The following PTPN21 variants were observed in gnomAD, a reference collection of about 807,000 sequenced individuals.
PTPN21 encodes protein tyrosine phosphatase non-receptor type 21, also known as tyrosine-protein phosphatase non-receptor type 21.
In PTPN21, 77 loss-of-function variants were observed where a neutral mutation model predicts 131.8. That is an observed-to-expected ratio of 0.58 (90% CI 0.49 to 0.71). The LOEUF (loss-of-function observed/expected upper bound fraction) is 0.71, where lower values mean the gene tolerates loss of function less well. Among genes scored for constraint, PTPN21 ranks in the 30% least tolerant of loss-of-function variants. The pLI is 0.00. For synonymous variants in PTPN21, 715 were observed against 621.3 expected, an observed-to-expected ratio of 1.15 and a Z score of -2.24; for missense variants, 1,552 against 1,527.1, an observed-to-expected ratio of 1.02 and a Z score of -0.27.
At chr14:88,499,774 T>C (rs1319446226) in intron 8 of PTPN21, among the ~76,000 whole-genome samples, 1 of 152,188 alleles carries the variant, frequency 6.6e-6, no homozygotes, top group East Asian at 1.9e-4. Flanking sequence ...AAAAACAATA[T>C]AAGCTTTTGG....
chr14:88,470,137 G>GT, intron 15 of PTPN21, 87 bp from the exon 16 acceptor site: 2 of 1,398,176 alleles, frequency 1.4e-6, no homozygotes, highest in South Asian at 1.3e-5. Flanking sequence ...TACTAAAAAA[G>GT]TTTTTTTAAA....
intron 2 of PTPN21, among the ~76,000 whole-genome samples, chr14:88,537,724 G>A (rs555007585): frequency 6.6e-6 from 1 of 152,174 alleles, no homozygotes; most frequent in Non-Finnish European, 1.5e-5. Context: ...TAGTAGTCAC[G>A]TGTCCCTTAA....
In PTPN21 at chr14:88,479,647, A is replaced by C; in HGVS notation, c.1784T>G (p.Ile595Ser). Residue 595 changes from isoleucine (I) to serine (S), a missense_variant, in exon 13 of 19, where the codon ATC (isoleucine) becomes AGC (serine). Ile to Ser is a moderately radical substitution (Grantham distance 142). Transcript: ENST00000556564. ...CACCGAGTGGTGCACGCGCCGCGTG[A>C]TGAGGTCGGGGTTGCTGCTGCTGAT... Reference protein sequence around the residue: ...LYISSSNPDLITRRVHHSVQT... With the variant: ...LYISSSNPDLSTRRVHHSVQT... The C allele has an allele frequency of 6.9e-7, 1 of 1,458,512 alleles. No individual in the cohort carries two copies. The highest frequency in any genetic ancestry group is 1.2e-5 in the South Asian group (1 of 82,530). 90.3% of individuals were successfully genotyped at this position (1,458,512 alleles called of 1,614,324 possible).
chr14:88,485,663 G>C (rs2077720921), intron 11 of PTPN21, 119 bp downstream of exon 11: 12 of 636,140 alleles, frequency 1.9e-5, no homozygotes, highest in South Asian at 1.7e-4. Flanking sequence ...GGTTAAAAAT[G>C]ATGAAATATC....
At chr14:88,506,268 A>T (rs932683065) in intron 4 of PTPN21, among the ~76,000 whole-genome samples, 3 of 152,212 alleles carry the variant, frequency 2.0e-5, no homozygotes, top group Non-Finnish European at 2.9e-5. Context: ...TGAGCACAGT[A>T]GGTTGTGGCT....
chr14:88,491,889 A>ACT (rs2077830534), intron 10 of PTPN21, among the ~76,000 whole-genome samples: 1 of 152,202 alleles, frequency 6.6e-6, no homozygotes, highest in Non-Finnish European at 1.5e-5. Context: ...GATGACATTA[A>ACT]TGTAGTTTTG....
intron 2 of PTPN21, among the ~76,000 whole-genome samples, chr14:88,538,075 A>G (rs1009605552): frequency 2.0e-5 from 3 of 152,230 alleles, no homozygotes; most frequent in Admixed American, 2.0e-4. Context: ...AATGACAGGG[A>G]TAATTGAGAT....
rs1389471269 is a variant in PTPN21 at position 88,468,131 on chromosome 14, G to A, written c.*6C>T. Reference sequence around the variant, plus strand: ...CATGACTGGCCCCGTAAGAAATTGTGGGAGCTTAGATGAGCCTGGAGCTTT... The same window carrying A: ...CATGACTGGCCCCGTAAGAAATTGTAGGAGCTTAGATGAGCCTGGAGCTTT... On this transcript the variant is annotated 3_prime_UTR_variant, in exon 19 of 19. Coordinates refer to ENST00000556564, the MANE Select transcript of PTPN21 (RefSeq NM_007039.4). 1 of 1,613,740 alleles carries A rather than the reference G, an allele frequency of 6.2e-7. No homozygotes were observed. Among genetic ancestry groups the A allele is most frequent in the East Asian group, 2.2e-5 (1 of 44,892 alleles).
intron 2 of PTPN21, among the ~76,000 whole-genome samples, chr14:88,541,966 G>A (rs2078712268): frequency 6.6e-6 from 1 of 152,142 alleles, no homozygotes; most frequent in African/African-American, 2.4e-5. Context: ...GGATGGACTT[G>A]GGGGAGAGAG....
rs765880331 is a variant in PTPN21 at position 88,469,079 on chromosome 14, G to A, written c.3236-3C>T. 6.2e-7 allele frequency: 1 copy of A among 1,604,076 alleles called. No homozygotes were observed. The highest frequency in any genetic ancestry group is 1.7e-5 in the Admixed American group (1 of 59,214). ...AGACTGGATCTCTTCAAGATATGCT[G>A]TGGAAAATCAATGAAATAGAAAAGT... On this transcript the variant is annotated splice_polypyrimidine_tract_variant and splice_region_variant and intron_variant, in intron 17 of 18. Transcript: ENST00000556564. This position sits in a 1 kb window ranked among gnomAD's most constrained non-coding sequence, Gnocchi z 4.3.
At chr14:88,480,530 C>T (rs2077638680) in intron 12 of PTPN21, among the ~76,000 whole-genome samples, 178 bp from the exon 13 acceptor site, 1 of 152,168 alleles carries the variant, frequency 6.6e-6, no homozygotes, top group Non-Finnish European at 1.5e-5. Context: ...GCTTCCTCAT[C>T]TATAGGATGG....
In PTPN21 at chr14:88,477,378, G is replaced by A. The variant is rs188982506; in HGVS notation, c.2511+1542C>T. 1.0e-3 allele frequency among the ~76,000 whole-genome samples: 149 copies of A among 147,442 alleles called. 2 individuals carry two copies. In the East Asian group the frequency reaches 0.022, roughly 22 times the overall value. On this transcript the variant is annotated intron_variant, in intron 13 of 18. Transcript: ENST00000556564. ...GCAGGGGAATCGCTTGAACCCAGGA[G>A]GCAGAGGTTGCAGTGAACTGAGATC...
At chr14:88,494,742 G>A (rs922534762) in intron 10 of PTPN21, among the ~76,000 whole-genome samples, 40 of 152,020 alleles carry the variant, frequency 2.6e-4, no homozygotes, top group South Asian at 8.3e-4. Context: ...GGCAGGGTGC[G>A]GTGGCTCACA....
chr14:88,520,785 T>G (rs1791897528), intron 2 of PTPN21, among the ~76,000 whole-genome samples: 1 of 152,196 alleles, frequency 6.6e-6, no homozygotes, highest in South Asian at 2.1e-4. Context: ...TCCCTCACAA[T>G]CCTGTCATGA....
Position 88,479,545 on chromosome 14 carries a change from TGGCGCGC to T in PTPN21, c.1879_1885del (p.Ala627ThrfsTer65), listed in dbSNP as rs762631619. 6.3e-7 allele frequency: 1 copy of T among 1,599,522 alleles called. No homozygotes were observed. Among genetic ancestry groups the T allele is most frequent in the South Asian group, 1.1e-5 (1 of 90,978 alleles). On this transcript the variant is annotated frameshift_variant, in exon 13 of 19. Coordinates refer to ENST00000556564, the MANE Select transcript of PTPN21 (RefSeq NM_007039.4). LOFTEE classifies it high-confidence loss of function. ...GCTGTTCCGTTTGTGCAGCTGCGCG[TGGCGCGC>T]GGCGGTGAGGGGCTCGCTGACCTCC... is the stretch of plus-strand genomic sequence containing the variant.
At chr14:88,499,040 A>T (rs816071) in intron 8 of PTPN21, among the ~76,000 whole-genome samples, 143,237 of 152,258 alleles carry the variant, frequency 0.94, 67,827 homozygotes, top group Non-Finnish European at 1. Context: ...GCCAGGTAGA[A>T]GCCTCAAGTT....
rs78357411 is a variant in PTPN21, at chr14:88,501,074, C to G, written c.676-203G>C. The G allele has an allele frequency of 2.8e-5, 18 of 647,362 alleles. No homozygotes were observed. The African/African-American group carries it at 3.1e-4, about 11-fold the overall frequency. 40.1% of individuals were successfully genotyped at this position (647,362 alleles called of 1,614,324 possible). A position where few individuals can be genotyped will look rare whatever the true frequency, so the allele number is the denominator to read the frequency against. On this transcript the variant is annotated intron_variant, in intron 7 of 18. Coordinates refer to ENST00000556564, the MANE Select transcript of PTPN21 (RefSeq NM_007039.4). The stretch of plus-strand genomic sequence containing the variant: ...AAAAGTTTGGCCCTCCTTAGGAACT[C>G]TATTTCAAGACCATTTCAAAGTATG...
chr14:88,550,610 G>C lies in PTPN21; in HGVS notation c.-193C>G. The stretch of plus-strand genomic sequence containing the variant: ...CCAATGGCCCGAGGAAGGGAGCATT[G>C]ACGCCAGCGCTGGGGAAAGAGGAAC... On this transcript the variant is annotated 5_prime_UTR_variant, in exon 2 of 19. Coordinates refer to ENST00000556564, the MANE Select transcript of PTPN21 (RefSeq NM_007039.4). 2 of 567,194 alleles carry C rather than the reference G, an allele frequency of 3.5e-6. No homozygotes were observed. Among genetic ancestry groups the C allele is most frequent in the Non-Finnish European group, 6.1e-6 (2 of 325,444 alleles). The allele number at this position is 567,194 out of a possible 1,614,324, so 35.1% of individuals were successfully genotyped here.
At position 88,469,807 on chromosome 14, in the gene PTPN21, G is replaced by A. The variant is rs779273252; in HGVS notation, c.3001-74C>T. 2.5e-6 allele frequency: 4 copies of A among 1,599,148 alleles called. No homozygotes were observed. Among genetic ancestry groups the A allele is most frequent in the Non-Finnish European group, 3.4e-6 (4 of 1,166,740 alleles). ...CCTTTCTCACATAGACGGCACATCTGAAACAGAACCACAACCCTACCCTGC... is the reference window on the plus strand; with the variant it reads ...CCTTTCTCACATAGACGGCACATCTAAAACAGAACCACAACCCTACCCTGC... On this transcript the variant is annotated intron_variant, in intron 16 of 18. Transcript: ENST00000556564. The surrounding 1 kb of genome is among the most constrained non-coding windows in gnomAD (Gnocchi z 4.3).
Sources: allele counts gnomAD v4.1 joint callset (sites outside exome capture counted in the v4.1 genomes callset), GRCh38; gene constraint gnomAD v4.1.1; non-coding constraint Gnocchi (gnomAD v3.1); transcripts MANE v1.5; gene names NCBI Gene and HGNC (gene_info 2026-07-23, HGNC 2026-07-21).